Variants in CAB39L observed in about 807,000 individuals in gnomAD.
The protein encoded by CAB39L is calcium-binding protein 39-like.
A neutral mutation model predicts 39.1 loss-of-function variants in CAB39L; 23 were observed. The ratio of observed to expected loss-of-function variants is 0.59; its 90% CI spans 0.42 to 0.83. The LOEUF (loss-of-function observed/expected upper bound fraction) is 0.83. Ranked by LOEUF, CAB39L falls within the 40% of genes least tolerant of loss-of-function variation. CAB39L has a pLI of 0.00. For synonymous variants in CAB39L, 126 were observed against 137.2 expected (o/e 0.92, Z 0.57); for missense variants, 366 against 391.9 (o/e 0.93, Z 0.56).
intron 5 of CAB39L, among the ~76,000 whole-genome samples, chr13:49,375,965 C>A (rs910648733): frequency 6.6e-6 from 1 of 152,226 alleles, no homozygotes; most frequent in East Asian, 1.9e-4. Flanking sequence ...CTAGCCACAA[C>A]TGGACTGCAC....
At chr13:49,423,567 T>TA (rs5803464) in intron 3 of CAB39L, among the ~76,000 whole-genome samples, 13,660 of 151,826 alleles carry the variant, frequency 0.09, 1,124 homozygotes, top group East Asian at 0.2. Context: ...AAAAATAAAA[T>TA]AAATCATTTT....
chr13:49,343,357 C>T (rs1280674365), intron 8 of CAB39L, among the ~76,000 whole-genome samples: 1 of 152,160 alleles, frequency 6.6e-6, no homozygotes, highest in East Asian at 1.9e-4. Flanking sequence ...GGTATTATTA[C>T]TATGTTCATT....
chr13:49,397,120 C>A (rs1956656191), intron 3 of CAB39L, among the ~76,000 whole-genome samples: 2 of 152,096 alleles, frequency 1.3e-5, no homozygotes, highest in African/African-American at 2.4e-5. Context: ...AAAGAATCTT[C>A]CAATCAGTAT....
intron 6 of CAB39L, among the ~76,000 whole-genome samples, chr13:49,359,363 G>T (rs544415841): frequency 2.0e-5 from 3 of 152,176 alleles, no homozygotes; most frequent in African/African-American, 7.2e-5. Context: ...TTATGTGCGT[G>T]GTGAGGGCAT....
chr13:49,418,821 A>G (rs997042172), intron 3 of CAB39L, among the ~76,000 whole-genome samples: 5 of 152,012 alleles, frequency 3.3e-5, no homozygotes, highest in Non-Finnish European at 5.9e-5. Context: ...TAGACCTCCT[A>G]AAGTGCTGGA....
intron 3 of CAB39L, among the ~76,000 whole-genome samples, chr13:49,428,419 T>C (rs566505313): frequency 1.3e-5 from 2 of 152,336 alleles, no homozygotes; most frequent in African/African-American, 4.8e-5. Context: ...TCTTTAATAA[T>C]CTAATCTTAA....
chr13:49,364,388 A>T (rs1955716612), intron 5 of CAB39L, among the ~76,000 whole-genome samples: 1 of 152,154 alleles, frequency 6.6e-6, no homozygotes, highest in Non-Finnish European at 1.5e-5. Flanking sequence ...TTAGATTTGG[A>T]GCATGACAAC....
intron 3 of CAB39L, among the ~76,000 whole-genome samples, chr13:49,394,511 G>C (rs1956563877): frequency 6.6e-6 from 1 of 151,974 alleles, no homozygotes; most frequent in South Asian, 2.1e-4. Flanking sequence ...TGGCTTTATA[G>C]TAATTCCATT....
intron 1 of CAB39L, among the ~76,000 whole-genome samples, chr13:49,435,122 G>A (rs1424703094): frequency 6.6e-6 from 1 of 152,110 alleles, no homozygotes; most frequent in African/African-American, 2.4e-5. Flanking sequence ...GTATTCTACA[G>A]ATCATTCTCT....
At chr13:49,322,175 G>A (rs1201941702) in intron 10 of CAB39L, among the ~76,000 whole-genome samples, 2 of 151,998 alleles carry the variant, frequency 1.3e-5, no homozygotes, top group Non-Finnish European at 2.9e-5. Flanking sequence ...CCCAGCTCTA[G>A]GCAACACTAA....
intron 3 of CAB39L, among the ~76,000 whole-genome samples, chr13:49,385,078 C>T (rs1303750102): frequency 6.6e-6 from 1 of 152,152 alleles, no homozygotes; most frequent in Non-Finnish European, 1.5e-5. Flanking sequence ...ATGGCATCTT[C>T]TTCCAATACG....
chr13:49,357,517 A>G (rs1955519774), intron 6 of CAB39L, among the ~76,000 whole-genome samples: 1 of 152,218 alleles, frequency 6.6e-6, no homozygotes, highest in Non-Finnish European at 1.5e-5. Flanking sequence ...GTAGTCCCCA[A>G]ATTGTCACTA....
chr13:49,438,540 T>C (rs1957454172), intron 1 of CAB39L, among the ~76,000 whole-genome samples: 1 of 152,212 alleles, frequency 6.6e-6, no homozygotes, highest in Non-Finnish European at 1.5e-5. Flanking sequence ...TTTATAAATG[T>C]TTGTCAATGC....
chr13:49,336,792 G>A (rs910782870), intron 9 of CAB39L, among the ~76,000 whole-genome samples: 3 of 152,240 alleles, frequency 2.0e-5, no homozygotes, highest in East Asian at 1.9e-4. Flanking sequence ...TACAAATAAC[G>A]AGTTCTGTTC....
intron 10 of CAB39L, among the ~76,000 whole-genome samples, chr13:49,331,044 A>C (rs1187398923): frequency 6.6e-6 from 1 of 152,192 alleles, no homozygotes; most frequent in Non-Finnish European, 1.5e-5. Flanking sequence ...TACACTGTGA[A>C]TACAGCTGTA....
intron 5 of CAB39L, among the ~76,000 whole-genome samples, chr13:49,364,258 C>T (rs1336375528): frequency 1.3e-5 from 2 of 152,152 alleles, no homozygotes; most frequent in Non-Finnish European, 2.9e-5. Context: ...ACTTTTACCA[C>T]TGTTACTCAA....
At chr13:49,438,701 T>G (rs977082654) in intron 1 of CAB39L, among the ~76,000 whole-genome samples, 22 of 152,224 alleles carry the variant, frequency 1.4e-4, no homozygotes, top group Non-Finnish European at 2.8e-4. Flanking sequence ...CCCCCATCAA[T>G]GCAAGAAGGG....
intron 1 of CAB39L, among the ~76,000 whole-genome samples, chr13:49,436,918 T>C (rs888282556): frequency 6.6e-6 from 1 of 151,886 alleles, no homozygotes; most frequent in African/African-American, 2.4e-5. Flanking sequence ...TTTCATCAGC[T>C]AAAATTTTTT....
intron 3 of CAB39L, among the ~76,000 whole-genome samples, chr13:49,407,658 C>T (rs1268894042): frequency 6.6e-6 from 1 of 151,636 alleles, no homozygotes; most frequent in Non-Finnish European, 1.5e-5. Flanking sequence ...ATTAATTTTA[C>T]TTTATTGGTT....
Sources: gnomAD v4.1 joint callset for allele counts (sites outside exome capture counted in the v4.1 genomes callset) on GRCh38, gnomAD v4.1.1 for gene constraint, MANE v1.5 for transcripts, NCBI Gene and HGNC (gene_info 2026-07-23, HGNC 2026-07-21) for gene names.